Variants in DCLK1 observed in about 807,000 individuals in gnomAD.
DCLK1 encodes the protein serine/threonine-protein kinase DCLK1.
A neutral mutation model predicts 86.2 loss-of-function variants in DCLK1; 16 were observed. That is an observed-to-expected ratio of 0.19 (90% CI 0.13 to 0.28). The LOEUF (loss-of-function observed/expected upper bound fraction) is 0.28. Among genes scored for constraint, DCLK1 ranks in the 10% least tolerant of loss-of-function variants. The pLI is 1.00. For synonymous variants in DCLK1, 369 were observed against 370.5 expected (o/e 1.00, Z 0.05); for missense variants, 590 against 940.2 (o/e 0.63, Z 4.87).
rs115091860 is a variant in DCLK1 at position 35,957,709 on chromosome 13, A to G, written c.724-10252T>C. Reference sequence around the variant, plus strand: ...GTATGCTTTTGCCAGGAACATTTGTAAAGGTCACTTAACGTTAAAGTATTG... The same window carrying G: ...GTATGCTTTTGCCAGGAACATTTGTGAAGGTCACTTAACGTTAAAGTATTG... On this transcript the variant is annotated intron_variant, in intron 3 of 16. Coordinates refer to ENST00000360631, the MANE Select transcript of DCLK1 (RefSeq NM_001330071.2). Among the ~76,000 whole-genome samples the G allele has an allele frequency of 4.8e-3, 725 of 152,258 alleles. 6 individuals carry two copies. Among genetic ancestry groups the G allele is most frequent in the African/African-American group, 0.017 (687 of 41,540 alleles).
chr13:36,109,803 T>C (rs534857041), intron 3 of DCLK1, among the ~76,000 whole-genome samples: 1 of 152,356 alleles, frequency 6.6e-6, no homozygotes, highest in South Asian at 2.1e-4. Flanking sequence ...TCCCATGACT[T>C]TGGATTATTT....
intron 3 of DCLK1, among the ~76,000 whole-genome samples, chr13:35,953,086 T>C (rs1311766969): frequency 1.3e-5 from 2 of 152,336 alleles, no homozygotes; most frequent in Middle Eastern, 3.4e-3. Flanking sequence ...TGGTGTGATG[T>C]ACCAACAGGA....
At chr13:35,873,443 G>A (rs1277617209) in intron 4 of DCLK1, among the ~76,000 whole-genome samples, 4 of 151,810 alleles carry the variant, frequency 2.6e-5, no homozygotes, top group Non-Finnish European at 4.4e-5. Flanking sequence ...GGAGTGCAGT[G>A]GCGTGATCTC....
chr13:36,081,056 A>G (rs1884403863), intron 3 of DCLK1, among the ~76,000 whole-genome samples: 1 of 152,186 alleles, frequency 6.6e-6, no homozygotes, highest in African/African-American at 2.4e-5. Flanking sequence ...TTCAATAATT[A>G]CAGACTTCGG....
intron 4 of DCLK1, among the ~76,000 whole-genome samples, chr13:35,880,670 T>A (rs1210106321): frequency 6.6e-6 from 1 of 152,142 alleles, no homozygotes; most frequent in Non-Finnish European, 1.5e-5. Flanking sequence ...ACATTTGCTT[T>A]CCCCATAAGA....
Position 35,886,034 on chromosome 13 carries a change from C to T in DCLK1, c.824-14694G>A, listed in dbSNP as rs574590578. 6.0e-3 allele frequency among the ~76,000 whole-genome samples: 761 copies of T among 125,964 alleles called. 3 individuals carry two copies. The highest frequency in any genetic ancestry group is 7.3e-3 in the Non-Finnish European group (459 of 62,622). The allele number at this position is 125,964 out of a possible 152,430, so 82.6% of individuals were successfully genotyped here. On this transcript the variant is annotated intron_variant, in intron 4 of 16. Transcript: ENST00000360631. ...TTTTTTTTTTTTTTTTTTTTTGAGA[C>T]GGAGTCTCGCTCTGTCACCCAGGCT...
chr13:35,868,022 CTTT>C (rs548370259), intron 5 of DCLK1, among the ~76,000 whole-genome samples: 4 of 118,546 alleles, frequency 3.4e-5, no homozygotes, highest in Non-Finnish European at 5.1e-5. Flanking sequence ...ACCTACAGCT[CTTT>C]TTTTTTTTTT....
rs142212565 is a variant in DCLK1, at chr13:35,914,321, GAAA to G, written c.823+33034_823+33036del. Among the ~76,000 whole-genome samples the G allele has an allele frequency of 5.1e-3, 292 of 57,698 alleles. 3 individuals are homozygous for G. Among genetic ancestry groups the G allele is most frequent in the African/African-American group, 0.021 (269 of 12,952 alleles). The allele number at this position is 57,698 out of a possible 152,430, so 37.9% of individuals were successfully genotyped here. ...GCAACAGAGGGGAGACCTTATCTCA[GAAA>G]AAAAAAAAATATATATATATATATA... On this transcript the variant is annotated intron_variant, in intron 4 of 16. Coordinates refer to ENST00000360631, the MANE Select transcript of DCLK1 (RefSeq NM_001330071.2).
intron 4 of DCLK1, among the ~76,000 whole-genome samples, chr13:35,893,729 C>T (rs1310558748): frequency 6.6e-6 from 1 of 152,200 alleles, no homozygotes; most frequent in Admixed American, 6.5e-5. Flanking sequence ...AACAGCTGAT[C>T]CAGGTATTCT....
chr13:35,870,258 T>C (rs1478360954), intron 5 of DCLK1, among the ~76,000 whole-genome samples: 2 of 152,116 alleles, frequency 1.3e-5, no homozygotes, highest in African/African-American at 2.4e-5. Flanking sequence ...GTCTAGAGAA[T>C]AGCAGTAATT....
chr13:35,892,021 T>C lies in DCLK1; in HGVS notation c.824-20681A>G, dbSNP rs187830386. ...CTACAGTGTGGATTTTAGCATATGG[T>C]AAATAGTCTTGAATGATTCAAGGCA... On this transcript the variant is annotated intron_variant, in intron 4 of 16. Coordinates refer to ENST00000360631, the MANE Select transcript of DCLK1 (RefSeq NM_001330071.2). Among the ~76,000 whole-genome samples, 12 of 152,310 alleles carry C rather than the reference T, an allele frequency of 7.9e-5. No homozygotes were observed. The East Asian group carries it at 2.1e-3, about 27-fold the overall frequency.
chr13:35,946,920 A>G (rs767913833), intron 4 of DCLK1, among the ~76,000 whole-genome samples: 1 of 152,314 alleles, frequency 6.6e-6, no homozygotes, highest in East Asian at 1.9e-4. Flanking sequence ...TGAATTCTAC[A>G]GTATTTAAAG....
intron 4 of DCLK1, among the ~76,000 whole-genome samples, chr13:35,899,964 C>A (rs1362698313): frequency 6.6e-6 from 1 of 151,950 alleles, no homozygotes; most frequent in African/African-American, 2.4e-5. Context: ...TTAAAGAAAC[C>A]AAATCTATGT....
At chr13:35,898,277 G>C (rs2153121435) in intron 4 of DCLK1, among the ~76,000 whole-genome samples, 1 of 152,272 alleles carries the variant, frequency 6.6e-6, no homozygotes, top group African/African-American at 2.4e-5. Context: ...TCAATTGCCA[G>C]CTAAACACTT....
intron 5 of DCLK1, among the ~76,000 whole-genome samples, chr13:35,866,456 T>C (rs1471629964): frequency 3.6e-5 from 5 of 140,310 alleles, no homozygotes; most frequent in Non-Finnish European, 7.8e-5. Context: ...AAAGACTCTT[T>C]TTTTTTTTTT....
At position 35,805,740 on chromosome 13, in the gene DCLK1, G is replaced by T; in HGVS notation, c.1903C>A (p.Arg635=). The change falls in exon 15 of 17, where the codon CGA becomes AGA. Residue 635 remains arginine, a synonymous_variant. Coordinates refer to ENST00000360631, the MANE Select transcript of DCLK1 (RefSeq NM_001330071.2). ...TMMLLVDVDQ[R]FSAVQVLEHP... ...TCAAGTACTTGAACAGCAGAAAATC[G>T]CTGATCTACATCGACCAACAGCATC... 6.2e-7 allele frequency: 1 copy of T among 1,613,794 alleles called. No homozygotes were observed. The highest frequency in any genetic ancestry group is 8.5e-7 in the Non-Finnish European group (1 of 1,179,878).
At chr13:35,834,373 T>C (rs1201626278) in intron 8 of DCLK1, among the ~76,000 whole-genome samples, 3 of 152,296 alleles carry the variant, frequency 2.0e-5, no homozygotes, top group East Asian at 1.9e-4. Context: ...CAGAGTCTTA[T>C]GGGAGGCTCC....
chr13:35,936,962 C>CTTTTTGTTTTTTTTTTTTTTTTT (rs1876787357), intron 4 of DCLK1, among the ~76,000 whole-genome samples: 1 of 65,712 alleles, frequency 1.5e-5, no homozygotes. Context: ...GAAAAGTTAG[C>CTTTTTGTTTTTTTTTTTTTTTTT]TTTTTTTTTT....
chr13:35,846,813 T>A, intron 6 of DCLK1: 1 of 985,174 alleles, frequency 1.0e-6, no homozygotes, highest in Non-Finnish European at 1.2e-6. Flanking sequence ...TCGATTAACA[T>A]TTTCAAGTGT....
Sources: gnomAD v4.1 joint callset for allele counts (sites outside exome capture counted in the v4.1 genomes callset) on GRCh38, gnomAD v4.1.1 for gene constraint, MANE v1.5 for transcripts, NCBI Gene and HGNC (gene_info 2026-07-23, HGNC 2026-07-21) for gene names.